FBN2: variants seen among roughly 807,000 people sequenced by gnomAD.
FBN2 encodes the protein fibrillin 2.
FBN2 carries 105 observed loss-of-function variants against 355.6 expected under a neutral mutation model. The observed-to-expected ratio is 0.30, with a 90% CI of 0.25 to 0.35. The LOEUF is 0.35. Among genes scored for constraint, FBN2 ranks in the 10% least tolerant of loss-of-function variants. FBN2 has a pLI of 1.00. For synonymous variants in FBN2, 1,350 were observed against 1,301.2 expected, an observed-to-expected ratio of 1.04 and a Z score of -0.81; for missense variants, 3,280 against 3,758.7, an observed-to-expected ratio of 0.87 and a Z score of 3.33.
chr5:128,258,035 TTTTTC>T lies in FBN2; in HGVS notation c.*1415_*1419del, dbSNP rs2126790187. On this transcript the variant is annotated 3_prime_UTR_variant, in exon 65 of 65. Coordinates refer to ENST00000262464, the MANE Select transcript of FBN2 (RefSeq NM_001999.4). ...TTGATTACAAATTTACACTGTTCCTTTTTTCTTTTTAGTTATTAAAAAAACAATAA... is the reference window on the plus strand; with the variant it reads ...TTGATTACAAATTTACACTGTTCCTTTTTTTAGTTATTAAAAAAACAATAA... 1 of 152,654 alleles carries T rather than the reference TTTTTC, an allele frequency of 6.6e-6. No homozygotes were observed. The highest frequency in any genetic ancestry group is 1.9e-4 in the East Asian group (1 of 5,184). The allele number at this position is 152,654 out of a possible 1,614,324, so 9.5% of individuals were successfully genotyped here. A position where few individuals can be genotyped will look rare whatever the true frequency, so the allele number is the denominator to read the frequency against.
At chr5:128,296,353 A>T (rs1257840586) in intron 48 of FBN2, among the ~76,000 whole-genome samples, 2 of 152,154 alleles carry the variant, frequency 1.3e-5, no homozygotes, top group African/African-American at 2.4e-5. Flanking sequence ...TGGCCTCATA[A>T]CATGAGTTAG....
At chr5:128,408,132 T>C (rs1752979313) in intron 8 of FBN2, among the ~76,000 whole-genome samples, 1 of 152,184 alleles carries the variant, frequency 6.6e-6, no homozygotes, top group Non-Finnish European at 1.5e-5. Flanking sequence ...TCATAATCTC[T>C]ATGCTCGCAA....
At chr5:128,480,837 C>T (rs1370949145) in intron 5 of FBN2, among the ~76,000 whole-genome samples, 2 of 152,136 alleles carry the variant, frequency 1.3e-5, no homozygotes, top group Admixed American at 6.5e-5. Flanking sequence ...CTTTCCTATG[C>T]GTTATTTCAT....
In FBN2 at chr5:128,353,889, T is replaced by A. The variant is rs565309967; in HGVS notation, c.2675-2884A>T. ...GTAGCACTGTGATTCTTTAGGCTGG[T>A]GCTGTATCAACACTTGAAAAGCTAC... On this transcript the variant is annotated intron_variant, in intron 20 of 64. Coordinates refer to ENST00000262464, the MANE Select transcript of FBN2 (RefSeq NM_001999.4). Among the ~76,000 whole-genome samples the A allele has an allele frequency of 2.6e-5, 4 of 152,272 alleles. No individual in the cohort carries two copies. In the East Asian group the frequency reaches 7.7e-4, roughly 29 times the overall value.
intron 7 of FBN2, among the ~76,000 whole-genome samples, chr5:128,420,042 T>C (rs2127014718): frequency 6.6e-6 from 1 of 152,316 alleles, no homozygotes; most frequent in South Asian, 2.1e-4. Context: ...TTGACAATGA[T>C]GTATAGTCTT....
At chr5:128,365,666 C>A (rs950701062) in intron 17 of FBN2, among the ~76,000 whole-genome samples, 4 of 149,682 alleles carry the variant, frequency 2.7e-5, no homozygotes, top group Admixed American at 1.3e-4. Flanking sequence ...ATATATATAA[C>A]CGTATATATA....
chr5:128,464,701 G>A, intron 6 of FBN2, 23 bp downstream of exon 6: 1 of 1,608,694 alleles, frequency 6.2e-7, no homozygotes, highest in Non-Finnish European at 8.5e-7. Flanking sequence ...GCGATGGTGT[G>A]CACAGGCAGA....
intron 25 of FBN2, among the ~76,000 whole-genome samples, chr5:128,343,891 C>T (rs1006160365): frequency 9.2e-5 from 14 of 152,100 alleles, no homozygotes; most frequent in Middle Eastern, 3.4e-3. Context: ...TCTCTCACAA[C>T]GAGTTTATTT....
chr5:128,274,889 G>A (rs1006853618), intron 59 of FBN2, among the ~76,000 whole-genome samples: 1 of 152,158 alleles, frequency 6.6e-6, no homozygotes, highest in Non-Finnish European at 1.5e-5. Flanking sequence ...TAGGATGATA[G>A]GACAATTAAG....
intron 7 of FBN2, among the ~76,000 whole-genome samples, chr5:128,417,427 C>T (rs961535892): frequency 2.0e-5 from 3 of 152,062 alleles, no homozygotes; most frequent in Admixed American, 6.6e-5. Flanking sequence ...CGTCTTATTC[C>T]AGTTCTTCGA....
intron 62 of FBN2, among the ~76,000 whole-genome samples, chr5:128,265,025 A>G (rs996218648): frequency 6.6e-6 from 1 of 152,258 alleles, no homozygotes; most frequent in Non-Finnish European, 1.5e-5. Flanking sequence ...TGAATATAAA[A>G]GATGCTGATT....
intron 5 of FBN2, among the ~76,000 whole-genome samples, chr5:128,495,513 A>G (rs1004677348): frequency 3.3e-5 from 5 of 152,188 alleles, no homozygotes; most frequent in African/African-American, 1.2e-4. Context: ...ATATCACAGT[A>G]AAAACATTAA....
At chr5:128,410,405 AGAAAG>A (rs1368993615) in intron 7 of FBN2, among the ~76,000 whole-genome samples, 1 of 152,218 alleles carries the variant, frequency 6.6e-6, no homozygotes. Context: ...GAAAAAGAAA[AGAAAG>A]AAAAGAAGGA....
intron 55 of FBN2, among the ~76,000 whole-genome samples, chr5:128,285,862 C>A (rs1466905522): frequency 6.6e-6 from 1 of 152,084 alleles, no homozygotes; most frequent in Non-Finnish European, 1.5e-5. Context: ...AAAATTAAAA[C>A]ACATTTTTAA....
intron 50 of FBN2, 109 bp from the exon 51 acceptor site, chr5:128,290,056 C>G: frequency 1.4e-6 from 1 of 731,424 alleles, no homozygotes; most frequent in Non-Finnish European, 2.5e-6. Context: ...GTTTCCATTA[C>G]AAAGCTGTCT....
chr5:128,428,741 T>A (rs1473649571), intron 7 of FBN2, among the ~76,000 whole-genome samples: 1 of 152,240 alleles, frequency 6.6e-6, no homozygotes, highest in African/African-American at 2.4e-5. Flanking sequence ...GATTTTGATC[T>A]GTTTTGTTCA....
chr5:128,479,260 A>G (rs559584957), intron 5 of FBN2, among the ~76,000 whole-genome samples: 1 of 152,306 alleles, frequency 6.6e-6, no homozygotes, highest in African/African-American at 2.4e-5. Flanking sequence ...TTTATACCAA[A>G]GGTCACATAG....
chr5:128,286,612 G>T, intron 55 of FBN2, 106 bp downstream of exon 55: 1 of 1,343,576 alleles, frequency 7.4e-7, no homozygotes, highest in Non-Finnish European at 1.1e-6. Flanking sequence ...CCTTAACACA[G>T]CTGGAAAAAG....
At chr5:128,434,525 T>C (rs1753726245) in intron 7 of FBN2, among the ~76,000 whole-genome samples, 1 of 150,622 alleles carries the variant, frequency 6.6e-6, no homozygotes, top group Admixed American at 6.6e-5. Context: ...AGGATTTCTT[T>C]AGAGTAGACT....
Sources: allele counts gnomAD v4.1 joint callset (sites outside exome capture counted in the v4.1 genomes callset), GRCh38; gene constraint gnomAD v4.1.1; transcripts MANE v1.5; gene names NCBI Gene and HGNC (gene_info 2026-07-23, HGNC 2026-07-21).